The following PCDH15 variants were observed in gnomAD, a reference collection of about 807,000 sequenced individuals.
PCDH15 encodes protocadherin-15.
In PCDH15, 129 loss-of-function variants were observed where a neutral mutation model predicts 178.5. The ratio of observed to expected loss-of-function variants is 0.72; its 90% confidence interval spans 0.63 to 0.84. The LOEUF (loss-of-function observed/expected upper bound fraction) is 0.84. Ranked by LOEUF, PCDH15 falls within the 40% of genes least tolerant of loss-of-function variation. The probability of loss-of-function intolerance (pLI) is 0.00; values close to 1 mark genes in which losing one functional copy is unlikely to be tolerated. For synonymous variants in PCDH15, 800 were observed against 732.0 expected, an observed-to-expected ratio of 1.09 and a Z score of -1.50; for missense variants, 2,230 against 2,099.9, an observed-to-expected ratio of 1.06 and a Z score of -1.21.
intron 1 of PCDH15, among the ~76,000 whole-genome samples, chr10:54,787,041 T>C (rs979532471): frequency 7.2e-5 from 11 of 151,966 alleles, no homozygotes; most frequent in Non-Finnish European, 1.3e-4. Flanking sequence ...CCATGGCCTT[T>C]AATTATCTAA....
intron 2 of PCDH15, among the ~76,000 whole-genome samples, chr10:54,637,349 T>A (rs956156580): frequency 2.6e-5 from 4 of 151,984 alleles, no homozygotes; most frequent in African/African-American, 9.7e-5. Flanking sequence ...ACCTTATAGT[T>A]CTGTGAGTCA....
rs1351424391 is a variant in PCDH15 at position 53,823,543 on chromosome 10, T to C, written c.4368-3313A>G. The C allele has an allele frequency of 4.1e-6, 3 of 736,162 alleles. No homozygotes were observed. The African/African-American group carries it at 5.3e-5, about 13-fold the overall frequency. 45.6% of individuals were successfully genotyped at this position (736,162 alleles called of 1,614,324 possible). On this transcript the variant is annotated intron_variant, in intron 32 of 37. Transcript: ENST00000644397. The stretch of plus-strand genomic sequence containing the variant: ...CTCTTAGAAAGGCAGGGCAGAAAAA[T>C]CTTAGAGTTGTGAGAAGAATGAGAA...
At chr10:55,463,473 T>C (rs554244176) in intron 2 of PCDH15, among the ~76,000 whole-genome samples, 25 of 151,968 alleles carry the variant, frequency 1.6e-4, no homozygotes, top group Middle Eastern at 3.4e-3. Flanking sequence ...AAGCAAAACC[T>C]TGTCTCTATA....
chr10:55,194,399 T>C (rs1219075071), intron 1 of PCDH15, among the ~76,000 whole-genome samples: 2 of 152,034 alleles, frequency 1.3e-5, no homozygotes, highest in Admixed American at 6.6e-5. Context: ...TTAATTCCAA[T>C]ACCAATGTTA....
At chr10:55,429,952 T>G (rs1001495580) in intron 2 of PCDH15, among the ~76,000 whole-genome samples, 1 of 152,210 alleles carries the variant, frequency 6.6e-6, no homozygotes, top group Non-Finnish European at 1.5e-5. Context: ...CTATGATGAA[T>G]AATTTGTAAT....
At chr10:54,168,504 A>G (rs1235793048) in intron 13 of PCDH15, among the ~76,000 whole-genome samples, 1 of 151,996 alleles carries the variant, frequency 6.6e-6, no homozygotes, top group African/African-American at 2.4e-5. Flanking sequence ...TAATCTTTTT[A>G]TCGCCTCCCC....
intron 21 of PCDH15, 162 bp downstream of exon 21, chr10:53,995,487 C>A: frequency 7.7e-7 from 1 of 1,300,516 alleles, no homozygotes; most frequent in Non-Finnish European, 1.1e-6. Context: ...CTGAAATATG[C>A]TCTGTACCTG....
At chr10:54,262,808 C>T (rs2057410753) in intron 8 of PCDH15, among the ~76,000 whole-genome samples, 1 of 152,192 alleles carries the variant, frequency 6.6e-6, no homozygotes, top group African/African-American at 2.4e-5. Flanking sequence ...AGGGAGTATC[C>T]TGGCACAGAA....
intron 20 of PCDH15, among the ~76,000 whole-genome samples, chr10:54,018,364 A>G (rs1380208767): frequency 6.6e-6 from 1 of 152,100 alleles, no homozygotes; most frequent in Non-Finnish European, 1.5e-5. Context: ...GCACTTTCCC[A>G]CAGTCTTCAG....
At chr10:54,011,917 G>T (rs998417362) in intron 20 of PCDH15, among the ~76,000 whole-genome samples, 2 of 152,152 alleles carry the variant, frequency 1.3e-5, no homozygotes, top group Admixed American at 6.5e-5. Context: ...TAGTTCCCTA[G>T]CCAGGATTCT....
At chr10:54,818,904 A>T (rs1455104996) in intron 3 of PCDH15, among the ~76,000 whole-genome samples, 4 of 152,024 alleles carry the variant, frequency 2.6e-5, no homozygotes, top group Admixed American at 6.6e-5. Context: ...ATAGAATATA[A>T]ATTCTTTTTA....
intron 2 of PCDH15, among the ~76,000 whole-genome samples, chr10:55,361,061 C>A (rs530093889): frequency 3.2e-4 from 48 of 151,972 alleles, no homozygotes; most frequent in Admixed American, 5.9e-4. Context: ...ATGAATGAAT[C>A]CCCAAAGTGT....
chr10:53,909,184 T>C (rs1464009777), intron 25 of PCDH15, among the ~76,000 whole-genome samples: 1 of 151,988 alleles, frequency 6.6e-6, no homozygotes, highest in African/African-American at 2.4e-5. Flanking sequence ...TTATAAGGGG[T>C]GCTTCCCCCT....
chr10:54,940,465 G>A (rs745562957), intron 2 of PCDH15, among the ~76,000 whole-genome samples: 1 of 152,056 alleles, frequency 6.6e-6, no homozygotes, highest in Admixed American at 6.5e-5. Context: ...CCTTGAATAC[G>A]TACCATTTGC....
At chr10:55,598,050 G>A (rs1430443333) in intron 2 of PCDH15, among the ~76,000 whole-genome samples, 4 of 152,008 alleles carry the variant, frequency 2.6e-5, no homozygotes, top group Non-Finnish European at 4.4e-5. Flanking sequence ...ACACCCCTAC[G>A]GGAAACAGCA....
chr10:54,563,561 A>T (rs970772460), intron 2 of PCDH15, among the ~76,000 whole-genome samples: 1 of 152,190 alleles, frequency 6.6e-6, no homozygotes, highest in African/African-American at 2.4e-5. Context: ...TAACATATTA[A>T]CTGAAGAGTA....
chr10:54,892,736 T>C lies in PCDH15; in HGVS notation c.-29+4714A>G, dbSNP rs557287751. On this transcript the variant is annotated intron_variant, in intron 3 of 5. Coordinates refer to the PCDH15 transcript ENST00000458638. ...TGGAAATAATAATAATTTTTCTTTT[T>C]TTTTTTTTTTTAAGATGGAGTTTCA... is the stretch of plus-strand genomic sequence containing the variant. Among the ~76,000 whole-genome samples, 6 of 149,744 alleles carry C rather than the reference T, an allele frequency of 4.0e-5. No individual in the cohort carries two copies. The South Asian group carries it at 1.1e-3, about 26-fold the overall frequency.
chr10:53,804,094 T>C lies in PCDH15; in HGVS notation c.*2485A>G, dbSNP rs867190899. On this transcript the variant is annotated 3_prime_UTR_variant, in exon 38 of 38. Coordinates refer to ENST00000644397, the MANE Select transcript of PCDH15 (RefSeq NM_001384140.1). ...TCCAGATTTATTTAGTTAGTAATAA[T>C]TTTGCTGCTCTACGTTACCCAAAAA... The C allele has an allele frequency of 6.6e-6, 1 of 151,940 alleles. No individual in the cohort carries two copies. Among genetic ancestry groups the C allele is most frequent in the Non-Finnish European group, 1.5e-5 (1 of 67,888 alleles). 9.4% of individuals were successfully genotyped at this position (151,940 alleles called of 1,614,324 possible).
intron 23 of PCDH15, among the ~76,000 whole-genome samples, chr10:53,950,067 A>G (rs887846330): frequency 1.3e-5 from 2 of 152,068 alleles, no homozygotes; most frequent in Non-Finnish European, 2.9e-5. Flanking sequence ...CCAACTAGCA[A>G]TTTTTTATTT....
Sources: allele counts gnomAD v4.1 joint callset (sites outside exome capture counted in the v4.1 genomes callset), GRCh38; gene constraint gnomAD v4.1.1; transcripts MANE v1.5; gene names NCBI Gene and HGNC (gene_info 2026-07-23, HGNC 2026-07-21).